Variants in FOXL1 observed in about 807,000 individuals in gnomAD.
FOXL1 encodes the protein forkhead box protein L1.
In FOXL1, 2 loss-of-function variants were observed where a neutral mutation model predicts 1.7. The ratio of observed to expected loss-of-function variants is 1.21; its 90% CI spans 0.49 to 3.80. The LOEUF (loss-of-function observed/expected upper bound fraction) is 3.80, where lower values mean the gene tolerates loss of function less well. Among genes scored for constraint, FOXL1 ranks in the 30% most tolerant of loss-of-function variants. FOXL1 has a pLI of 0.07. For missense variants in FOXL1, 565 were observed against 495.8 expected (o/e 1.14, Z -1.32); for synonymous variants, 280 against 229.3 (o/e 1.22, Z -2.00).
chr16:86,581,164 C>A lies in FOXL1; in HGVS notation c.*1403C>A, dbSNP rs77215492. The A allele has an allele frequency of 0.011, 1,782 of 167,194 alleles. 35 individuals are homozygous for A. Among genetic ancestry groups the A allele is most frequent in the African/African-American group, 0.041 (1,693 of 41,554 alleles). 10.4% of individuals were successfully genotyped at this position (167,194 alleles called of 1,614,324 possible). On this transcript the variant is annotated 3_prime_UTR_variant, in exon 1 of 1. Transcript: ENST00000320241. The stretch of plus-strand genomic sequence containing the variant: ...GCTTGCAGCTTCCGGGGAAATGCAA[C>A]CGACCTCTATGCCATCTCTAGCTGG...
chr16:86,579,808 C>T lies in FOXL1; in HGVS notation c.*47C>T. 6.5e-7 allele frequency: 1 copy of T among 1,544,872 alleles called. No homozygotes were observed. The highest frequency in any genetic ancestry group is 8.9e-7 in the Non-Finnish European group (1 of 1,124,846). On this transcript the variant is annotated 3_prime_UTR_variant, in exon 1 of 1. Transcript: ENST00000320241. ...TCTCCCGGCCCAGCCTGAGCCTCCG[C>T]TGAGCGAAAGGCCACAGCTCCCACC... is the stretch of plus-strand genomic sequence containing the variant.
In FOXL1 at chr16:86,583,465, G is replaced by A. The variant is rs1974436593; in HGVS notation, c.*3704G>A. ...TTTGTCCATTAAAAATAAAAAGCGT[G>A]AGTTTGTGGAAAAGTAAGATTCTTT... On this transcript the variant is annotated 3_prime_UTR_variant, in exon 1 of 1. Coordinates refer to ENST00000320241, the MANE Select transcript of FOXL1 (RefSeq NM_005250.3). Among the ~76,000 whole-genome samples the A allele has an allele frequency of 6.6e-6, 1 of 152,182 alleles. No individual in the cohort carries two copies. The highest frequency in any genetic ancestry group is 1.5e-5 in the Non-Finnish European group (1 of 68,032).
In FOXL1 at chr16:86,579,036, G is replaced by A. The variant is rs1258990180; in HGVS notation, c.313G>A (p.Asp105Asn). The A allele has an allele frequency of 1.2e-6, 2 of 1,613,966 alleles. No homozygotes were observed. The highest frequency in any genetic ancestry group is 1.7e-6 in the Non-Finnish European group (2 of 1,179,986). ...NSIRHNLSLNDCFVKVPREKG... is the reference protein window; with the variant it reads ...NSIRHNLSLNNCFVKVPREKG... ...CATCCGCCACAACCTCTCGCTCAAC[G>A]ACTGCTTCGTCAAGGTGCCCCGCGA... The change falls in exon 1 of 1, where the codon GAC becomes AAC. Residue 105 changes from aspartate to asparagine, a missense_variant. Physicochemically the swap from Asp to Asn is conservative, Grantham distance 23. Coordinates refer to ENST00000320241, the MANE Select transcript of FOXL1 (RefSeq NM_005250.3).
At position 86,579,796 on chromosome 16, in the gene FOXL1, C is replaced by T. The variant is rs757203142; in HGVS notation, c.*35C>T. On this transcript the variant is annotated 3_prime_UTR_variant, in exon 1 of 1. Transcript: ENST00000320241. Reference sequence around the variant, plus strand: ...TGGCACGGTTCTTCTCCCGGCCCAGCCTGAGCCTCCGCTGAGCGAAAGGCC... The same window carrying T: ...TGGCACGGTTCTTCTCCCGGCCCAGTCTGAGCCTCCGCTGAGCGAAAGGCC... 7.0e-6 allele frequency: 11 copies of T among 1,571,364 alleles called. No homozygotes were observed. In the Admixed American group the frequency reaches 1.4e-4, roughly 19 times the overall value.
chr16:86,580,772 A>G lies in FOXL1; in HGVS notation c.*1011A>G, dbSNP rs1974402455. 6.0e-6 allele frequency: 1 copy of G among 167,012 alleles called. No homozygotes were observed. Among genetic ancestry groups the G allele is most frequent in the African/African-American group, 2.4e-5 (1 of 41,430 alleles). The allele number at this position is 167,012 out of a possible 1,614,324, so 10.3% of individuals were successfully genotyped here. A position where few individuals can be genotyped will look rare whatever the true frequency, so the allele number is the denominator to read the frequency against. On this transcript the variant is annotated 3_prime_UTR_variant, in exon 1 of 1. Coordinates refer to ENST00000320241, the MANE Select transcript of FOXL1 (RefSeq NM_005250.3). The stretch of plus-strand genomic sequence containing the variant: ...TCAAGATCCAGGCTTGGTGGTCGCT[A>G]TATTTTTCAGAAACAGATAATGAAA...
Position 86,581,954 on chromosome 16 carries a change from T to C in FOXL1, c.*2193T>C, listed in dbSNP as rs1974419041. ...TTCCTTTTTCTTTTTTGTGTTTGTA[T>C]GTTATCTTGGGAGGTTTTGTTAATT... On this transcript the variant is annotated 3_prime_UTR_variant, in exon 1 of 1. Transcript: ENST00000320241. 6.6e-6 allele frequency: 1 copy of C among 152,254 alleles called. No homozygotes were observed. Among genetic ancestry groups the C allele is most frequent in the Admixed American group, 6.5e-5 (1 of 15,290 alleles). 9.4% of individuals were successfully genotyped at this position (152,254 alleles called of 1,614,324 possible).
rs995501948 is a variant in FOXL1 at position 86,581,313 on chromosome 16, A to G, written c.*1552A>G. The stretch of plus-strand genomic sequence containing the variant: ...ATAGGTTGGGAGGGAGGTCTTTAAG[A>G]TCGCTTTTAAAATAGTTTCCAGGAC... On this transcript the variant is annotated 3_prime_UTR_variant, in exon 1 of 1. Transcript: ENST00000320241. The G allele has an allele frequency of 3.6e-5, 6 of 167,136 alleles. No individual in the cohort carries two copies. Among genetic ancestry groups the G allele is most frequent in the African/African-American group, 7.2e-5 (3 of 41,466 alleles). The allele number at this position is 167,136 out of a possible 1,614,324, so 10.4% of individuals were successfully genotyped here. A position where few individuals can be genotyped will look rare whatever the true frequency, so the allele number is the denominator to read the frequency against.
rs1206206480 is a variant in FOXL1 at position 86,579,610 on chromosome 16, C to T, written c.887C>T (p.Ser296Leu). 3 of 1,613,098 alleles carry T rather than the reference C, an allele frequency of 1.9e-6. No individual in the cohort carries two copies. Among genetic ancestry groups the T allele is most frequent in the African/African-American group, 1.3e-5 (1 of 74,952 alleles). ...KPGPGGRLGA[S>L]LLAASSSLRP... Reference sequence around the variant, plus strand: ...GGGCCCGGCGGCCGTCTGGGTGCCTCGCTCCTGGCCGCCTCCTCCAGCCTC... The same window carrying T: ...GGGCCCGGCGGCCGTCTGGGTGCCTTGCTCCTGGCCGCCTCCTCCAGCCTC... The change falls in exon 1 of 1, where the codon TCG becomes TTG. Residue 296 changes from serine to leucine, a missense_variant. Physicochemically the swap from Ser to Leu is moderately radical, Grantham distance 145 (BLOSUM62 -2). Transcript: ENST00000320241.
Position 86,579,521 on chromosome 16 carries a change from C to T in FOXL1, c.798C>T (p.Ile266=), listed in dbSNP as rs1262742496. The change falls in exon 1 of 1, where the codon ATC becomes ATT. Residue 266 remains isoleucine, a synonymous_variant. Coordinates refer to ENST00000320241, the MANE Select transcript of FOXL1 (RefSeq NM_005250.3). The part of the protein sequence containing the change: ...DKSKSFSIDS[I]LAGKQGQKPP... ...CCAAGAGCTTCAGCATAGACAGCATCCTGGCGGGAAAGCAGGGCCAGAAGC... is the reference window on the plus strand; with the variant it reads ...CCAAGAGCTTCAGCATAGACAGCATTCTGGCGGGAAAGCAGGGCCAGAAGC... The T allele has an allele frequency of 6.2e-7, 1 of 1,604,336 alleles. No homozygotes were observed. Among genetic ancestry groups the T allele is most frequent in the Non-Finnish European group, 8.5e-7 (1 of 1,175,774 alleles).
Position 86,578,968 on chromosome 16 carries a change from G to T in FOXL1, c.245G>T (p.Arg82Leu). The change falls in exon 1 of 1, where the codon CGC becomes CTC. Residue 82 changes from arginine to leucine, a missense_variant. Physicochemically the swap from Arg to Leu is moderately radical, Grantham distance 102 (BLOSUM62 -2). Coordinates refer to ENST00000320241, the MANE Select transcript of FOXL1 (RefSeq NM_005250.3). ...GGCATCTACCAGTTCATCATGGACC[G>T]CTTCCCCTTCTACCACGACAACCGG... The part of the protein sequence containing the change: ...LNGIYQFIMD[R>L]FPFYHDNRQG... 1 of 1,614,166 alleles carries T rather than the reference G, an allele frequency of 6.2e-7. No homozygotes were observed. The highest frequency in any genetic ancestry group is 8.5e-7 in the Non-Finnish European group (1 of 1,179,996).
chr16:86,579,625 C>T lies in FOXL1; in HGVS notation c.902C>T (p.Ser301Phe), dbSNP rs953899340. 83 of 1,613,352 alleles carry T rather than the reference C, an allele frequency of 5.1e-5. No individual in the cohort carries two copies. Among genetic ancestry groups the T allele is most frequent in the Non-Finnish European group, 6.9e-5 (81 of 1,179,958 alleles). ...GRLGASLLAA[S>F]SSLRPPFNAS... is the part of the protein sequence containing the mutation. ...CTGGGTGCCTCGCTCCTGGCCGCCTCCTCCAGCCTCCGTCCGCCTTTCAAC... is the reference window on the plus strand; with the variant it reads ...CTGGGTGCCTCGCTCCTGGCCGCCTTCTCCAGCCTCCGTCCGCCTTTCAAC... The change falls in exon 1 of 1, where the codon TCC becomes TTC. Residue 301 changes from serine (S) to phenylalanine (F), a missense_variant. By Grantham distance (155) the Ser-to-Phe change is radical. Transcript: ENST00000320241.
At position 86,579,884 on chromosome 16, in the gene FOXL1, G is replaced by A. The variant is rs1471014317; in HGVS notation, c.*123G>A. On this transcript the variant is annotated 3_prime_UTR_variant, in exon 1 of 1. Coordinates refer to ENST00000320241, the MANE Select transcript of FOXL1 (RefSeq NM_005250.3). Reference sequence around the variant, plus strand: ...GCCTGGGTCGGCCTGTGGGTTCAGGGAAGTGTTACCAACCATTGCGCGCAG... The same window carrying A: ...GCCTGGGTCGGCCTGTGGGTTCAGGAAAGTGTTACCAACCATTGCGCGCAG... 17 of 1,006,716 alleles carry A rather than the reference G, an allele frequency of 1.7e-5. No individual in the cohort carries two copies. The highest frequency in any genetic ancestry group is 2.3e-5 in the Non-Finnish European group (16 of 683,258). 62.4% of individuals were successfully genotyped at this position (1,006,716 alleles called of 1,614,324 possible).
Position 86,578,803 on chromosome 16 carries a change from G to T in FOXL1, c.80G>T (p.Gly27Val), listed in dbSNP as rs1436097218. The change falls in exon 1 of 1, where the codon GGC (glycine) becomes GTC (valine). Residue 27 changes from glycine (G) to valine (V), a missense_variant. Physicochemically the swap from Gly to Val is moderately radical, Grantham distance 109. Transcript: ENST00000320241. ...MLYLYGPERP[G>V]LPLAFAPAAA... ...TATCTGTACGGTCCCGAGAGACCCGGCCTCCCTCTGGCCTTCGCCCCCGCG... is the reference window on the plus strand; with the variant it reads ...TATCTGTACGGTCCCGAGAGACCCGTCCTCCCTCTGGCCTTCGCCCCCGCG... 27 of 1,613,464 alleles carry T rather than the reference G, an allele frequency of 1.7e-5. No homozygotes were observed. The highest frequency in any genetic ancestry group is 2.3e-5 in the Non-Finnish European group (27 of 1,179,924).
chr16:86,579,578 C>G lies in FOXL1; in HGVS notation c.855C>G (p.Ala285=). The G allele has an allele frequency of 1.2e-6, 2 of 1,613,086 alleles. No homozygotes were observed. The highest frequency in any genetic ancestry group is 1.7e-6 in the Non-Finnish European group (2 of 1,179,826). The part of the protein sequence containing the change: ...PPSGDELLGG[A]KPGPGGRLGA... The stretch of plus-strand genomic sequence containing the variant: ...CAGGGGACGAACTCCTAGGGGGTGC[C>G]AAGCCTGGGCCCGGCGGCCGTCTGG... The change falls in exon 1 of 1, where the codon GCC becomes GCG. Residue 285 remains alanine (A), a synonymous_variant. Transcript: ENST00000320241.
Position 86,578,951 on chromosome 16 carries a change from CCA to C in FOXL1, c.229_230del (p.Gln77ValfsTer57). 1 of 1,614,200 alleles carries C rather than the reference CCA, an allele frequency of 6.2e-7. No individual in the cohort carries two copies. The highest frequency in any genetic ancestry group is 8.5e-7 in the Non-Finnish European group (1 of 1,180,002). On this transcript the variant is annotated frameshift_variant, in exon 1 of 1. Coordinates refer to ENST00000320241, the MANE Select transcript of FOXL1 (RefSeq NM_005250.3). LOFTEE classifies it low-confidence loss of function (END_TRUNC). ...AGAGGGTCACGCTCAACGGCATCTA[CCA>C]GTTCATCATGGACCGCTTCCCCTTC... Reference protein sequence around the residue: ...EQRVTLNGIYQFIMDRFPFYH... With the variant: ...EQRVTLNGIYXFIMDRFPFYH...
chr16:86,582,739 A>G lies in FOXL1; in HGVS notation c.*2978A>G, dbSNP rs1974428133. On this transcript the variant is annotated 3_prime_UTR_variant, in exon 1 of 1. Coordinates refer to ENST00000320241, the MANE Select transcript of FOXL1 (RefSeq NM_005250.3). Reference sequence around the variant, plus strand: ...TTTGAATATACCTGAGACTCAGATCAAGTACTGAGTCCTTTCACTTTAACC... The same window carrying G: ...TTTGAATATACCTGAGACTCAGATCGAGTACTGAGTCCTTTCACTTTAACC... 6.6e-6 allele frequency among the ~76,000 whole-genome samples: 1 copy of G among 152,116 alleles called. No individual in the cohort carries two copies. The highest frequency in any genetic ancestry group is 2.1e-4 in the South Asian group (1 of 4,818).
rs932077122 is a variant in FOXL1, at chr16:86,583,400, T to G, written c.*3639T>G. On this transcript the variant is annotated 3_prime_UTR_variant, in exon 1 of 1. Coordinates refer to ENST00000320241, the MANE Select transcript of FOXL1 (RefSeq NM_005250.3). ...AGTCTTGTTTCCATGAAATAAAGGTTGTTTCATAGAATGAAAAACATAAAT... is the reference window on the plus strand; with the variant it reads ...AGTCTTGTTTCCATGAAATAAAGGTGGTTTCATAGAATGAAAAACATAAAT... 2.6e-5 allele frequency among the ~76,000 whole-genome samples: 4 copies of G among 152,190 alleles called. No homozygotes were observed. The highest frequency in any genetic ancestry group is 4.1e-4 in the South Asian group (2 of 4,826).
At position 86,580,829 on chromosome 16, in the gene FOXL1, C is replaced by T. The variant is rs1181182397; in HGVS notation, c.*1068C>T. 6.0e-6 allele frequency: 1 copy of T among 166,880 alleles called. No homozygotes were observed. Among genetic ancestry groups the T allele is most frequent in the East Asian group, 1.9e-4 (1 of 5,190 alleles). 10.3% of individuals were successfully genotyped at this position (166,880 alleles called of 1,614,324 possible). On this transcript the variant is annotated 3_prime_UTR_variant, in exon 1 of 1. Transcript: ENST00000320241. ...ATTTAATTTAAAAAGTTGGGTGAAA[C>T]AACCAAAAGCAGATGCAGAGAGAGA...
At position 86,579,370 on chromosome 16, in the gene FOXL1, A is replaced by G. The variant is rs897938097; in HGVS notation, c.647A>G (p.Glu216Gly). ...TGGCCGGGGACCGCGTCCCCGAACG[A>G]GGACGCTGGTGACGCTGCCCAGGGC... ...LHWPGTASPN[E>G]DAGDAAQGAA... The change falls in exon 1 of 1, where the codon GAG becomes GGG. Residue 216 changes from glutamate (E) to glycine (G), a missense_variant. Coordinates refer to ENST00000320241, the MANE Select transcript of FOXL1 (RefSeq NM_005250.3). 2.0e-6 allele frequency: 3 copies of G among 1,500,232 alleles called. No homozygotes were observed. In the Admixed American group the frequency reaches 6.7e-5, roughly 34 times the overall value. The allele number at this position is 1,500,232 out of a possible 1,614,324, so 92.9% of individuals were successfully genotyped here.
Sources: gnomAD v4.1 joint callset for allele counts (sites outside exome capture counted in the v4.1 genomes callset) on GRCh38, gnomAD v4.1.1 for gene constraint, MANE v1.5 for transcripts, NCBI Gene and HGNC (gene_info 2026-07-23, HGNC 2026-07-21) for gene names.